The following FLG variants were observed in gnomAD, a reference collection of about 807,000 sequenced individuals.
FLG encodes the protein filaggrin, also known as epidermal filaggrin.
Under a neutral mutation model 3.8 loss-of-function variants are expected in FLG, and 6 were observed. The observed-to-expected ratio is 1.60, with a 90% CI of 0.87 to 3.15. The LOEUF (loss-of-function observed/expected upper bound fraction) is 3.15. Ranked by LOEUF, FLG falls within the 30% of genes most tolerant of loss-of-function variation. The pLI, the probability that FLG is intolerant of heterozygous loss-of-function variation, is 0.00. For synonymous variants in FLG, 2,551 were observed against 1,931.6 expected, an observed-to-expected ratio of 1.32 and a Z score of -8.41; for missense variants, 7,595 against 5,050.9, an observed-to-expected ratio of 1.50 and a Z score of -15.27.
chr1:152,317,284 C>G (rs1652817506), intron 1 of FLG, among the ~76,000 whole-genome samples: 1 of 152,040 alleles, frequency 6.6e-6, no homozygotes, highest in African/African-American at 2.4e-5. Flanking sequence ...TAGGTACCAT[C>G]TGATTTATCT....
intron 1 of FLG, among the ~76,000 whole-genome samples, chr1:152,319,916 A>AAAT (rs1652901647): frequency 1.3e-5 from 2 of 151,442 alleles, no homozygotes; most frequent in African/African-American, 4.8e-5. Flanking sequence ...TGATTGCATA[A>AAAT]AATAATAATA....
At position 152,311,571 on chromosome 1, in the gene FLG, G is replaced by A. The variant is rs1239323143; in HGVS notation, c.3315C>T (p.Asp1105=). ...HQQSHQESAR[D]WSGGRSGRSG... ...AACGTCCAGACCTTCCCCCTGACCAGTCACGTGCGGACTCTTGGTGGCTCT... is the reference window on the plus strand; with the variant it reads ...AACGTCCAGACCTTCCCCCTGACCAATCACGTGCGGACTCTTGGTGGCTCT... Residue 1105 remains aspartate, a synonymous_variant, in exon 3 of 3, where the codon GAC becomes GAT. Coordinates refer to ENST00000368799, the MANE Select transcript of FLG (RefSeq NM_002016.2). The A allele has an allele frequency of 3.7e-6, 6 of 1,614,024 alleles. No individual in the cohort carries two copies. The highest frequency in any genetic ancestry group is 5.1e-6 in the Non-Finnish European group (6 of 1,180,012).
chr1:152,311,321 C>T lies in FLG; in HGVS notation c.3565G>A (p.Gly1189Arg). 6.2e-7 allele frequency: 1 copy of T among 1,613,784 alleles called. No homozygotes were observed. Among genetic ancestry groups the T allele is most frequent in the South Asian group, 1.1e-5 (1 of 91,042 alleles). The change falls in exon 3 of 3, where the codon GGA becomes AGA. Residue 1189 changes from glycine to arginine, a missense_variant. Gly to Arg is a moderately radical substitution (Grantham distance 125). Coordinates refer to ENST00000368799, the MANE Select transcript of FLG (RefSeq NM_002016.2). ...TGGCTGTGATGGGACCCTGAGTGTC[C>T]AGATCTATCTACCGATTGCTCATGG... ...SHHEQSVDRS[G>R]HSGSHHSHTT... is the part of the protein sequence containing the mutation.
At chr1:152,322,350 T>C (rs149098419) in intron 1 of FLG, among the ~76,000 whole-genome samples, 26 of 151,368 alleles carry the variant, frequency 1.7e-4, no homozygotes, top group Non-Finnish European at 2.8e-4. Context: ...CAGAATGATA[T>C]AACTTTTGTA....
rs867878125 is a variant in FLG at position 152,303,245 on chromosome 1, C to A, written c.11641G>T (p.Glu3881Ter). 1 of 1,613,964 alleles carries A rather than the reference C, an allele frequency of 6.2e-7. No individual in the cohort carries two copies. The highest frequency in any genetic ancestry group is 2.2e-5 in the East Asian group (1 of 44,876). Residue 3881 changes from glutamate (E) to a stop codon, truncating the protein, a stop_gained, in exon 3 of 3, where the codon GAG (glutamate) becomes TAG (stop). Coordinates refer to ENST00000368799, the MANE Select transcript of FLG (RefSeq NM_002016.2). LOFTEE classifies it low-confidence loss of function (END_TRUNC). Reference protein sequence around the residue: ...AYPEDSERRSESASRNHHGSS... With the variant: ...AYPEDSERRS Reference sequence around the variant, plus strand: ...CCATGATGGTTTCTGGAAGCAGACTCAGATCGCCTCTCAGAGTCCTCTGGG... The same window carrying A: ...CCATGATGGTTTCTGGAAGCAGACTAAGATCGCCTCTCAGAGTCCTCTGGG...
At chr1:152,320,473 A>T (rs1322710506) in intron 1 of FLG, among the ~76,000 whole-genome samples, 1 of 151,080 alleles carries the variant, frequency 6.6e-6, no homozygotes, top group Admixed American at 6.6e-5. Flanking sequence ...TTATATTCAT[A>T]TCTGTCAAGC....
In FLG at chr1:152,312,814, C is replaced by T. The variant is rs114762657; in HGVS notation, c.2072G>A (p.Gly691Glu). The change falls in exon 3 of 3, where the codon GGA becomes GAA. Residue 691 changes from glycine to glutamate, a missense_variant. Transcript: ENST00000368799. ...GTRHTQNSSS[G>E]QAASSHEQAR... ...CTGTTCATGGGATGACGCAGCCTGT[C>T]CACTAGAGGAATTCTGTGTGTGACG... 2.7e-3 allele frequency: 4,403 copies of T among 1,614,040 alleles called. 131 individuals are homozygous for T. In the African/African-American group the frequency reaches 0.051, roughly 19 times the overall value.
In FLG at chr1:152,309,453, G is replaced by A; in HGVS notation, c.5433C>T (p.Asp1811=). 1 of 1,613,042 alleles carries A rather than the reference G, an allele frequency of 6.2e-7. No homozygotes were observed. Among genetic ancestry groups the A allele is most frequent in the Non-Finnish European group, 8.5e-7 (1 of 1,179,846 alleles). The stretch of plus-strand genomic sequence containing the variant: ...TTGACCCTGGGTGTCCACGAATGGT[G>A]TCCTGACCCTCTTGGGACGCTGAGT... The part of the protein sequence containing the change: ...SRHSASQEGQ[D]TIRGHPGSSR... The change falls in exon 3 of 3, where the codon GAC becomes GAT. Residue 1811 remains aspartate, a synonymous_variant. Transcript: ENST00000368799.
chr1:152,314,011 C>A lies in FLG; in HGVS notation c.875G>T (p.Arg292Leu). Residue 292 changes from arginine to leucine, a missense_variant, in exon 3 of 3, where the codon CGT becomes CTT. Arg to Leu is a moderately radical substitution (Grantham distance 102). Transcript: ENST00000368799. ...VPLQESRTRK[R>L]RGSRVSQDRD... ...GTCCTGGCTAACTCTGGATCCCCTA[C>A]GCTTTCTTGTCCTGGACTCCTGCAA... is the stretch of plus-strand genomic sequence containing the variant. 6.2e-7 allele frequency: 1 copy of A among 1,614,204 alleles called. No individual in the cohort carries two copies.
chr1:152,319,601 T>C (rs1652891432), intron 1 of FLG, among the ~76,000 whole-genome samples: 1 of 151,534 alleles, frequency 6.6e-6, no homozygotes, highest in African/African-American at 2.4e-5. Context: ...GAAACACTTG[T>C]ATTACCTTCA....
In FLG at chr1:152,304,757, C is replaced by A. The variant is rs763100417; in HGVS notation, c.10129G>T (p.Gly3377Trp). The change falls in exon 3 of 3, where the codon GGG becomes TGG. Residue 3377 changes from glycine to tryptophan, a missense_variant. By Grantham distance (184) the Gly-to-Trp change is radical. Coordinates refer to ENST00000368799, the MANE Select transcript of FLG (RefSeq NM_002016.2). Reference protein sequence around the residue: ...SHQESARDRSGGRSGRSGSFL... With the variant: ...SHQESARDRSWGRSGRSGSFL... ...GACCCTGAACGTCCAGACCTTCCCC[C>A]TGACCGGTCACGTGCGGACTCTTGG... The A allele has an allele frequency of 1.9e-5, 31 of 1,613,670 alleles. No homozygotes were observed. The East Asian group carries it at 5.8e-4, about 30-fold the overall frequency.
chr1:152,319,428 TA>T (rs1381167927), intron 1 of FLG, among the ~76,000 whole-genome samples: 2 of 151,018 alleles, frequency 1.3e-5, no homozygotes, highest in African/African-American at 4.9e-5. Flanking sequence ...TTTGGGGAAT[TA>T]AAAGACAAAA....
chr1:152,320,302 A>G (rs969213377), intron 1 of FLG, among the ~76,000 whole-genome samples: 1 of 151,200 alleles, frequency 6.6e-6, no homozygotes, highest in Non-Finnish European at 1.5e-5. Context: ...ATATAAATAG[A>G]GTAAATATGC....
chr1:152,310,687 C>A lies in FLG; in HGVS notation c.4199G>T (p.Gly1400Val), dbSNP rs1557877985. Reference protein sequence around the residue: ...SSGSQVTNSEGHSEDSDTQSV... With the variant: ...SSGSQVTNSEVHSEDSDTQSV... The stretch of plus-strand genomic sequence containing the variant: ...CTGTGTGTCTGAGTCTTCTGAATGT[C>A]CCTCACTGTTAGTGACCTGACTACC... The change falls in exon 3 of 3, where the codon GGA becomes GTA. Residue 1400 changes from glycine to valine, a missense_variant. By Grantham distance (109) the Gly-to-Val change is moderately radical. Transcript: ENST00000368799. 6.2e-7 allele frequency: 1 copy of A among 1,614,084 alleles called. No homozygotes were observed.
Position 152,306,861 on chromosome 1 carries a change from A to G in FLG, c.8025T>C (p.Ala2675=). The G allele has an allele frequency of 1.6e-6, 2 of 1,270,482 alleles. No individual in the cohort carries two copies. Among genetic ancestry groups the G allele is most frequent in the Non-Finnish European group, 2.2e-6 (2 of 917,016 alleles). The allele number at this position is 1,270,482 out of a possible 1,614,324, so 78.7% of individuals were successfully genotyped here. The change falls in exon 3 of 3, where the codon GCT becomes GCC. Residue 2675 remains alanine, a synonymous_variant. Coordinates refer to ENST00000368799, the MANE Select transcript of FLG (RefSeq NM_002016.2). ...GTCCACTGTCTCTGACTGCAGATGAAGCTTGTCCGTGCCCAATGCCTGAGT... is the reference window on the plus strand; with the variant it reads ...GTCCACTGTCTCTGACTGCAGATGAGGCTTGTCCGTGCCCAATGCCTGAGT... The part of the protein sequence containing the change: ...SRHSGIGHGQ[A]SSAVRDSGHR...
In FLG at chr1:152,309,359, G is replaced by T; in HGVS notation, c.5527C>A (p.His1843Asn). ...VDSSGHSGSHHSHTTSQERSD... is the reference protein window; with the variant it reads ...VDSSGHSGSHNSHTTSQERSD... ...CTTTCCTGGGACGTGGTGTGGCTGT[G>T]ATGAGACCCTGAGTGTCCAGAACTA... The change falls in exon 3 of 3, where the codon CAC (histidine) becomes AAC (asparagine). Residue 1843 changes from histidine to asparagine, a missense_variant. Coordinates refer to ENST00000368799, the MANE Select transcript of FLG (RefSeq NM_002016.2). 6.2e-7 allele frequency: 1 copy of T among 1,613,890 alleles called. No individual in the cohort carries two copies. The highest frequency in any genetic ancestry group is 8.5e-7 in the Non-Finnish European group (1 of 1,179,986).
chr1:152,304,105 C>T lies in FLG; in HGVS notation c.10781G>A (p.Ser3594Asn). ...DRAGHGHSAESSRQSGTHHAE... is the reference protein window; with the variant it reads ...DRAGHGHSAENSRQSGTHHAE... ...ATGATGAGTGCCTGATTGTCTGGAG[C>T]TCTCTGCAGAGTGCCCGTGACCGGC... Residue 3594 changes from serine to asparagine, a missense_variant, in exon 3 of 3, where the codon AGC (serine) becomes AAC (asparagine). By Grantham distance (46) the Ser-to-Asn change is conservative. Coordinates refer to ENST00000368799, the MANE Select transcript of FLG (RefSeq NM_002016.2). 6.2e-7 allele frequency: 1 copy of T among 1,607,580 alleles called. No individual in the cohort carries two copies. Among genetic ancestry groups the T allele is most frequent in the Non-Finnish European group, 8.5e-7 (1 of 1,178,874 alleles).
rs551342554 is a variant in FLG, at chr1:152,304,236, T to A, written c.10650A>T (p.Glu3550Asp). ...CAGACCCAGACCACCTCTCAGAGTCTTCTGAGTGTCCCTGACTGTCACTGT... is the reference window on the plus strand; with the variant it reads ...CAGACCCAGACCACCTCTCAGAGTCATCTGAGTGTCCCTGACTGTCACTGT... ...SQDSDSQGHS[E>D]DSERWSGSAS... The change falls in exon 3 of 3, where the codon GAA becomes GAT. Residue 3550 changes from glutamate (E) to aspartate (D), a missense_variant. Coordinates refer to ENST00000368799, the MANE Select transcript of FLG (RefSeq NM_002016.2). 6.2e-7 allele frequency: 1 copy of A among 1,613,124 alleles called. No homozygotes were observed. Among genetic ancestry groups the A allele is most frequent in the African/African-American group, 1.3e-5 (1 of 74,812 alleles).
Position 152,313,025 on chromosome 1 carries a change from C to G in FLG, c.1861G>C (p.Val621Leu), listed in dbSNP as rs765740674. The part of the protein sequence containing the change: ...PRTSRNQGSS[V>L]SQDSDSQGHS... ...CCCTGACTGTCACTGTCCTGGCTAA[C>G]ACTGGATCCCTGGTTCCTACTTGTC... The change falls in exon 3 of 3, where the codon GTT becomes CTT. Residue 621 changes from valine to leucine, a missense_variant. By Grantham distance (32) the Val-to-Leu change is conservative. Coordinates refer to ENST00000368799, the MANE Select transcript of FLG (RefSeq NM_002016.2). The G allele has an allele frequency of 1.2e-5, 19 of 1,613,930 alleles. No individual in the cohort carries two copies. Among genetic ancestry groups the G allele is most frequent in the Non-Finnish European group, 1.6e-5 (19 of 1,180,044 alleles).
Sources: gnomAD v4.1 joint callset for allele counts (sites outside exome capture counted in the v4.1 genomes callset) on GRCh38, gnomAD v4.1.1 for gene constraint, MANE v1.5 for transcripts, NCBI Gene and HGNC (gene_info 2026-07-23, HGNC 2026-07-21) for gene names.